The following MARK1 variants were observed in gnomAD, a reference collection of about 807,000 sequenced individuals.
MARK1 encodes microtubule affinity regulating kinase 1.
A neutral mutation model predicts 96.3 loss-of-function variants in MARK1; 40 were observed. The ratio of observed to expected loss-of-function variants is 0.42; its 90% CI spans 0.32 to 0.54. The LOEUF (loss-of-function observed/expected upper bound fraction) is 0.54. Among genes scored for constraint, MARK1 ranks in the 20% least tolerant of loss-of-function variants. The pLI is 0.16. For synonymous variants in MARK1, 317 were observed against 341.2 expected (o/e 0.93, Z 0.78); for missense variants, 719 against 984.6 (o/e 0.73, Z 3.61).
intron 9 of MARK1, among the ~76,000 whole-genome samples, chr1:220,622,526 T>C (rs1268361451): frequency 1.3e-5 from 2 of 152,236 alleles, no homozygotes; most frequent in Admixed American, 6.5e-5. Flanking sequence ...TTCAGAAGCA[T>C]ATAGTATATT....
intron 13 of MARK1, among the ~76,000 whole-genome samples, chr1:220,643,751 G>T (rs1026480048): frequency 6.6e-6 from 1 of 152,186 alleles, no homozygotes; most frequent in Non-Finnish European, 1.5e-5. Context: ...CAAGCCAAAA[G>T]AGATTGGGGG....
intron 2 of MARK1, among the ~76,000 whole-genome samples, chr1:220,580,469 C>T (rs545171464): frequency 2.6e-5 from 4 of 151,674 alleles, no homozygotes; most frequent in African/African-American, 9.7e-5. Context: ...GAGTGAGATC[C>T]TGTCTCAAAA....
At chr1:220,576,518 G>A (rs1488133505) in intron 1 of MARK1, 1 of 152,114 alleles carries the variant, frequency 6.6e-6, no homozygotes. Flanking sequence ...ATGGCAAAGG[G>A]TGTGAAAATT....
In MARK1 at chr1:220,618,344, T is replaced by C; in HGVS notation, c.587T>C (p.Ile196Thr). 6.2e-7 allele frequency: 1 copy of C among 1,613,774 alleles called. No individual in the cohort carries two copies. Among genetic ancestry groups the C allele is most frequent in the Non-Finnish European group, 8.5e-7 (1 of 1,179,638 alleles). The change falls in exon 8 of 18, where the codon ATT becomes ACT. Residue 196 changes from isoleucine (I) to threonine (T), a missense_variant. Around this residue, in one of 4 missense-constraint regions of MARK1, gnomAD observed 96 missense variants for 213.1 expected, o/e 0.45. Coordinates refer to ENST00000366917, the MANE Select transcript of MARK1 (RefSeq NM_018650.5). This position sits in a 1 kb window ranked among gnomAD's most constrained non-coding sequence, Gnocchi z 4.6. The stretch of plus-strand genomic sequence containing the variant: ...CTTCTCCTTGATGGTGATATGAATA[T>C]TAAAATTGCTGACTTTGGTTTTAGT... ...ENLLLDGDMN[I>T]KIADFGFSNE...
At chr1:220,636,287 GT>G (rs1477786507) in intron 13 of MARK1, among the ~76,000 whole-genome samples, 1 of 151,986 alleles carries the variant, frequency 6.6e-6, no homozygotes, top group African/African-American at 2.4e-5. Context: ...TTTTTATAAT[GT>G]TTATTTAATA....
intron 3 of MARK1, among the ~76,000 whole-genome samples, chr1:220,588,090 T>G (rs904922875): frequency 6.6e-6 from 1 of 152,228 alleles, no homozygotes; most frequent in African/African-American, 2.4e-5. Context: ...ACCTTATGGG[T>G]GTGAAGTTGT....
chr1:220,616,346 G>A (rs145878273), intron 7 of MARK1, among the ~76,000 whole-genome samples: 127 of 152,276 alleles, frequency 8.3e-4, no homozygotes, highest in African/African-American at 3.0e-3. Context: ...GTAAGAGACA[G>A]TATTCACACT....
intron 1 of MARK1, among the ~76,000 whole-genome samples, chr1:220,542,924 A>AATTTCCATACTTATGTTC (rs1354635494): frequency 3.9e-5 from 6 of 152,276 alleles, no homozygotes; most frequent in African/African-American, 1.2e-4. Flanking sequence ...TACTTATGTA[A>AATTTCCATACTTATGTTC]ATTTCCATAC....
In MARK1 at chr1:220,597,670, A is replaced by G. The variant is rs1374815579; in HGVS notation, c.310-661A>G. Among the ~76,000 whole-genome samples the G allele has an allele frequency of 2.0e-5, 3 of 152,216 alleles. No individual in the cohort carries two copies. In the East Asian group the frequency reaches 5.8e-4, roughly 29 times the overall value. On this transcript the variant is annotated intron_variant, in intron 3 of 17. Transcript: ENST00000366917. The stretch of plus-strand genomic sequence containing the variant: ...GAACAAATTGCTTTATTTGGAAGCT[A>G]ACATATACTCAAAGACATAGAGAAA...
intron 3 of MARK1, among the ~76,000 whole-genome samples, chr1:220,584,071 A>T (rs1220830886): frequency 6.6e-6 from 1 of 152,120 alleles, no homozygotes; most frequent in East Asian, 1.9e-4. Context: ...ATTTTCTCAG[A>T]GATATCACTA....
chr1:220,632,210 T>A lies in MARK1; in HGVS notation c.1019T>A (p.Val340Asp). 7.0e-7 allele frequency: 1 copy of A among 1,422,222 alleles called. No individual in the cohort carries two copies. The highest frequency in any genetic ancestry group is 9.3e-7 in the Non-Finnish European group (1 of 1,071,936). The allele number at this position is 1,422,222 out of a possible 1,614,324, so 88.1% of individuals were successfully genotyped here. A position where few individuals can be genotyped will look rare whatever the true frequency, so the allele number is the denominator to read the frequency against. ...FNDTKRIDIMVTMGFARDEIN... is the reference protein window; with the variant it reads ...FNDTKRIDIMDTMGFARDEIN... ...TTTTTTAAATTTCTAGACATTATGG[T>A]CACCATGGGCTTTGCACGAGATGAA... The change falls in exon 11 of 18, where the codon GTC (valine) becomes GAC (aspartate). Residue 340 changes from valine to aspartate, a missense_variant. By Grantham distance (152) the Val-to-Asp change is radical. Around this residue, in one of 4 missense-constraint regions of MARK1, gnomAD observed 501 missense variants for 588.3 expected, o/e 0.85. Transcript: ENST00000366917.
intron 1 of MARK1, among the ~76,000 whole-genome samples, chr1:220,565,492 A>G (rs1662981798): frequency 6.6e-6 from 1 of 151,844 alleles, no homozygotes; most frequent in South Asian, 2.1e-4. Flanking sequence ...GTGAGTGTGT[A>G]CTTGTATATG....
intron 3 of MARK1, among the ~76,000 whole-genome samples, chr1:220,586,232 C>T (rs1054352296): frequency 1.3e-5 from 2 of 152,268 alleles, no homozygotes; most frequent in South Asian, 4.1e-4. Flanking sequence ...CTTCTCTTCA[C>T]TCTCCTCTTC....
intron 16 of MARK1, among the ~76,000 whole-genome samples, chr1:220,656,962 C>T (rs898157674): frequency 1.1e-4 from 16 of 151,858 alleles, no homozygotes; most frequent in African/African-American, 2.9e-4. Context: ...TTATTGCATT[C>T]GTTTTACATA....
chr1:220,566,791 G>A (rs1663087907), intron 1 of MARK1, among the ~76,000 whole-genome samples: 1 of 152,092 alleles, frequency 6.6e-6, no homozygotes, highest in Non-Finnish European at 1.5e-5. Context: ...CTTAATAGCA[G>A]CCATCATTTA....
chr1:220,582,323 T>G (rs1335665448), intron 3 of MARK1, among the ~76,000 whole-genome samples: 1 of 152,208 alleles, frequency 6.6e-6, no homozygotes, highest in Non-Finnish European at 1.5e-5. Flanking sequence ...GAAAGTCTCT[T>G]CTTTTAGCAC....
intron 6 of MARK1, among the ~76,000 whole-genome samples, chr1:220,611,807 G>A (rs192235445): frequency 6.6e-6 from 1 of 151,674 alleles, no homozygotes; most frequent in Non-Finnish European, 1.5e-5. Flanking sequence ...ATCTTGTCTC[G>A]CTGCAACCTC....
Position 220,615,134 on chromosome 1 carries a change from A to G in MARK1, c.496-805A>G, listed in dbSNP as rs577496837. ...AATTGATTGCTATCAGATGCTTTCT[A>G]TTTCTGTATTTTATGTAATAAAGAA... On this transcript the variant is annotated intron_variant, in intron 6 of 17. Transcript: ENST00000366917. Among the ~76,000 whole-genome samples, 18 of 152,174 alleles carry G rather than the reference A, an allele frequency of 1.2e-4. No homozygotes were observed. In the East Asian group the frequency reaches 1.9e-3, roughly 16 times the overall value.
In MARK1 at chr1:220,635,825, A is replaced by C; in HGVS notation, c.1277-8A>C. 4 of 1,556,220 alleles carry C rather than the reference A, an allele frequency of 2.6e-6. No individual in the cohort carries two copies. Among genetic ancestry groups the C allele is most frequent in the Non-Finnish European group, 3.5e-6 (4 of 1,156,896 alleles). On this transcript the variant is annotated splice_region_variant and splice_polypyrimidine_tract_variant and intron_variant, in intron 12 of 17. Coordinates refer to ENST00000366917, the MANE Select transcript of MARK1 (RefSeq NM_018650.5). ...CAGCTCATTATGCTATTTTTAAAAA[A>C]ATTATAGCTGGTCCATCCATTCCTC...
Sources: gnomAD v4.1 joint callset for allele counts (sites outside exome capture counted in the v4.1 genomes callset) on GRCh38, gnomAD v4.1.1 for gene constraint, gnomAD v4.1.1 regional missense constraint, Gnocchi (gnomAD v3.1) non-coding constraint, MANE v1.5 for transcripts, NCBI Gene and HGNC (gene_info 2026-07-23, HGNC 2026-07-21) for gene names.